The following MAGI2 variants were observed in gnomAD, a reference collection of about 807,000 sequenced individuals.
MAGI2 encodes the protein membrane-associated guanylate kinase, WW and PDZ domain-containing protein 2.
Under a neutral mutation model 133.3 loss-of-function variants are expected in MAGI2, and 35 were observed. That is an observed-to-expected ratio of 0.26 (90% CI 0.20 to 0.35). The LOEUF (loss-of-function observed/expected upper bound fraction) is 0.35. MAGI2 is among the 10% of genes least tolerant of loss of function. MAGI2 has a pLI of 1.00. For missense variants in MAGI2, 1,636 were observed against 1,863.4 expected (o/e 0.88, Z 2.25); for synonymous variants, 729 against 710.6 (o/e 1.03, Z -0.41).
At chr7:78,022,598 A>G (rs1260392269) in intron 21 of MAGI2, among the ~76,000 whole-genome samples, 1 of 152,248 alleles carries the variant, frequency 6.6e-6, no homozygotes, top group African/African-American at 2.4e-5. Context: ...GAAATGGGCA[A>G]GAACAGTGGC....
rs184816981 is a variant in MAGI2 at position 78,825,881 on chromosome 7, T to C, written c.418+181209A>G. On this transcript the variant is annotated intron_variant, in intron 2 of 21. Coordinates refer to ENST00000354212, the MANE Select transcript of MAGI2 (RefSeq NM_012301.4). ...GATTTGAAAATTTATATCCACACAA[T>C]AAACTCTGTGTGGATGTTTATAGAA... Among the ~76,000 whole-genome samples the C allele has an allele frequency of 1.9e-3, 292 of 152,282 alleles. 1 individual carries two copies. Among genetic ancestry groups the C allele is most frequent in the Middle Eastern group, 0.017 (5 of 294 alleles).
intron 3 of MAGI2, among the ~76,000 whole-genome samples, chr7:78,576,136 C>A (rs1584707865): frequency 1.3e-5 from 2 of 151,212 alleles, no homozygotes; most frequent in South Asian, 2.1e-4. Flanking sequence ...TCTGTAAATT[C>A]AGGGCTTTAT....
At chr7:79,439,396 G>A (rs900559719) in intron 1 of MAGI2, among the ~76,000 whole-genome samples, 5 of 152,080 alleles carry the variant, frequency 3.3e-5, no homozygotes, top group Non-Finnish European at 4.4e-5. Flanking sequence ...ATAAGGAAGC[G>A]ATAGCCATAG....
intron 1 of MAGI2, 134 bp from the exon 2 acceptor site, chr7:79,007,340 A>C: frequency 1.7e-6 from 1 of 574,342 alleles, no homozygotes; most frequent in East Asian, 3.0e-5. Flanking sequence ...GATCTTCTCA[A>C]ACATTTACTG....
At chr7:78,369,618 A>G (rs2151262558) in intron 6 of MAGI2, among the ~76,000 whole-genome samples, 1 of 152,278 alleles carries the variant, frequency 6.6e-6, no homozygotes, top group East Asian at 1.9e-4. Flanking sequence ...TTCTGAGAAC[A>G]GCAAATTGTT....
intron 1 of MAGI2, among the ~76,000 whole-genome samples, chr7:79,247,253 A>G (rs1213130128): frequency 6.6e-6 from 1 of 152,208 alleles, no homozygotes; most frequent in African/African-American, 2.4e-5. Context: ...AAACAATATT[A>G]TAACACTTTA....
intron 15 of MAGI2, among the ~76,000 whole-genome samples, chr7:78,165,510 G>A (rs1261314333): frequency 1.3e-5 from 2 of 152,084 alleles, no homozygotes; most frequent in Admixed American, 1.3e-4. Context: ...TCTGAGGTGG[G>A]GCGGGCATTT....
intron 1 of MAGI2, among the ~76,000 whole-genome samples, chr7:79,315,575 C>A (rs968631454): frequency 1.3e-5 from 2 of 152,008 alleles, no homozygotes; most frequent in Non-Finnish European, 2.9e-5. Context: ...TGCATGTTTA[C>A]AAGTTCAAAT....
intron 3 of MAGI2, among the ~76,000 whole-genome samples, chr7:78,539,247 CTT>C (rs1798214262): frequency 1.3e-5 from 2 of 151,674 alleles, no homozygotes; most frequent in African/African-American, 4.9e-5. Flanking sequence ...TGTCAAATGA[CTT>C]TTGTGCATCT....
chr7:78,092,782 T>TATCCTAC (rs1817331118), intron 20 of MAGI2, among the ~76,000 whole-genome samples: 1 of 115,802 alleles, frequency 8.6e-6, no homozygotes, highest in Non-Finnish European at 1.8e-5. Flanking sequence ...ATACATCCCT[T>TATCCTAC]GGATAATCAG....
chr7:78,080,331 T>C (rs1276173877), intron 20 of MAGI2, among the ~76,000 whole-genome samples: 1 of 152,246 alleles, frequency 6.6e-6, no homozygotes, highest in Non-Finnish European at 1.5e-5. Context: ...TGGATGAGGT[T>C]TACCTCACTG....
At chr7:79,236,925 G>T (rs1157129142) in intron 1 of MAGI2, among the ~76,000 whole-genome samples, 1 of 152,148 alleles carries the variant, frequency 6.6e-6, no homozygotes, top group Non-Finnish European at 1.5e-5. Context: ...TGCAACTGTA[G>T]TCCCAGCTAC....
Position 78,648,173 on chromosome 7 carries a change from A to G in MAGI2, c.419-20934T>C, listed in dbSNP as rs193129266. On this transcript the variant is annotated intron_variant, in intron 2 of 21. Transcript: ENST00000354212. ...AAAAATTACACTACAAAATTTCCAAAAATAATGCAAGCTCAATGCAGAAAA... is the reference window on the plus strand; with the variant it reads ...AAAAATTACACTACAAAATTTCCAAGAATAATGCAAGCTCAATGCAGAAAA... Among the ~76,000 whole-genome samples the G allele has an allele frequency of 2.6e-3, 402 of 152,346 alleles. 1 individual carries two copies. Among genetic ancestry groups the G allele is most frequent in the African/African-American group, 8.8e-3 (368 of 41,584 alleles).
intron 1 of MAGI2, among the ~76,000 whole-genome samples, chr7:79,310,583 G>A (rs1838204292): frequency 6.6e-6 from 1 of 152,110 alleles, no homozygotes; most frequent in Admixed American, 6.6e-5. Context: ...TATTAAAGAG[G>A]GAGTTAGTGA....
rs541954263 is a variant in MAGI2, at chr7:79,183,570, A to G, written c.302-176364T>C. 1.0e-3 allele frequency among the ~76,000 whole-genome samples: 156 copies of G among 152,020 alleles called. 5 individuals carry two copies. The highest frequency in any genetic ancestry group is 3.6e-3 in the African/African-American group (150 of 41,446). The stretch of plus-strand genomic sequence containing the variant: ...AAATATTTTTTCCCAGTCTGCAGCT[A>G]GATCTTTTATTTTCTAAAGAATTCC... On this transcript the variant is annotated intron_variant, in intron 1 of 21. Coordinates refer to ENST00000354212, the MANE Select transcript of MAGI2 (RefSeq NM_012301.4).
intron 1 of MAGI2, among the ~76,000 whole-genome samples, chr7:79,308,099 G>A (rs527552613): frequency 6.6e-6 from 1 of 152,272 alleles, no homozygotes; most frequent in East Asian, 1.9e-4. Flanking sequence ...AGGATGGCAT[G>A]TGAAATAAAA....
chr7:79,343,607 T>A (rs992032297), intron 1 of MAGI2, among the ~76,000 whole-genome samples: 2 of 152,038 alleles, frequency 1.3e-5, no homozygotes, highest in African/African-American at 4.8e-5. Context: ...ATTTTGAAAG[T>A]AATATATATT....
intron 2 of MAGI2, among the ~76,000 whole-genome samples, chr7:78,723,231 T>C (rs772657392): frequency 1.2e-4 from 19 of 152,224 alleles, no homozygotes; most frequent in Non-Finnish European, 2.6e-4. Context: ...GGTCAATATA[T>C]ATGTTTATAA....
intron 1 of MAGI2, among the ~76,000 whole-genome samples, chr7:79,148,341 G>A (rs1230716325): frequency 1.3e-5 from 2 of 152,158 alleles, no homozygotes; most frequent in Non-Finnish European, 2.9e-5. Flanking sequence ...CTTGAGTGAT[G>A]TTGGGTAGAA....
Sources: gnomAD v4.1 joint callset for allele counts (sites outside exome capture counted in the v4.1 genomes callset) on GRCh38, gnomAD v4.1.1 for gene constraint, MANE v1.5 for transcripts, NCBI Gene and HGNC (gene_info 2026-07-23, HGNC 2026-07-21) for gene names.